The following MAML2 variants were observed in gnomAD, a reference collection of about 807,000 sequenced individuals.
The protein encoded by MAML2 is mastermind-like protein 2.
A neutral mutation model predicts 96.1 loss-of-function variants in MAML2; 22 were observed. The observed-to-expected ratio is 0.23, with a 90% CI of 0.16 to 0.33. The LOEUF is 0.33. MAML2 is among the 10% of genes least tolerant of loss of function. The pLI is 1.00. For synonymous variants in MAML2, 561 were observed against 521.3 expected (o/e 1.08, Z -1.04); for missense variants, 1,367 against 1,392.4 (o/e 0.98, Z 0.29).
intron 2 of MAML2, among the ~76,000 whole-genome samples, chr11:96,068,490 GGAGA>G (rs139120762): frequency 3.7e-5 from 3 of 81,240 alleles, no homozygotes; most frequent in South Asian, 4.1e-4. Context: ...AGGGAGGGAG[GGAGA>G]GAGAGAGAGA....
chr11:96,290,040 C>G (rs1208666308), intron 1 of MAML2, among the ~76,000 whole-genome samples: 1 of 152,122 alleles, frequency 6.6e-6, no homozygotes, highest in African/African-American at 2.4e-5. Flanking sequence ...ATTTTTATTA[C>G]TTTGTTAGCC....
rs563728718 is a variant in MAML2 at position 96,280,433 on chromosome 11, G to T, written c.513+60950C>A. ...ACTGTTAATGAACTTTCTTTCTCCT[G>T]ATCTGTACAATGTCAAATTCATTTC... On this transcript the variant is annotated intron_variant, in intron 1 of 4. Coordinates refer to ENST00000524717, the MANE Select transcript of MAML2 (RefSeq NM_032427.4). Among the ~76,000 whole-genome samples the T allele has an allele frequency of 3.1e-4, 47 of 150,246 alleles. 1 individual carries two copies. The highest frequency in any genetic ancestry group is 1.3e-4 in the Non-Finnish European group (9 of 67,988).
intron 1 of MAML2, among the ~76,000 whole-genome samples, chr11:96,225,160 C>G (rs1421221051): frequency 6.6e-6 from 1 of 152,138 alleles, no homozygotes; most frequent in African/African-American, 2.4e-5. Context: ...ACTCAGTGAC[C>G]AGCTTCTAAG....
chr11:96,059,828 A>T (rs1310844178), intron 2 of MAML2, among the ~76,000 whole-genome samples: 1 of 152,194 alleles, frequency 6.6e-6, no homozygotes, highest in Non-Finnish European at 1.5e-5. Flanking sequence ...TGGGATAGAC[A>T]TTTTCCTAGT....
At chr11:96,204,661 G>A (rs968631911) in intron 1 of MAML2, among the ~76,000 whole-genome samples, 29 of 152,184 alleles carry the variant, frequency 1.9e-4, no homozygotes, top group African/African-American at 5.8e-4. Flanking sequence ...TTTTGTTTTT[G>A]TTTTTTTAAA....
chr11:96,227,322 T>G (rs1460884568), intron 1 of MAML2, among the ~76,000 whole-genome samples: 1 of 152,222 alleles, frequency 6.6e-6, no homozygotes, highest in Non-Finnish European at 1.5e-5. Context: ...AGTGATCCAT[T>G]CCTTAATATT....
intron 1 of MAML2, among the ~76,000 whole-genome samples, chr11:96,325,342 T>C (rs1487177312): frequency 1.3e-5 from 2 of 152,160 alleles, no homozygotes; most frequent in African/African-American, 4.8e-5. Context: ...ACGAGGGTAG[T>C]AATACTCCAG....
chr11:96,036,010 C>T lies in MAML2; in HGVS notation c.2140-44287G>A, dbSNP rs147771094. On this transcript the variant is annotated intron_variant, in intron 2 of 4. Transcript: ENST00000524717. ...AAACTGTGCCTGTCATACAGTGAAA[C>T]CCTCAAAAAACAGAATATAACTGAA... 1.1e-3 allele frequency among the ~76,000 whole-genome samples: 164 copies of T among 152,174 alleles called. 1 individual carries two copies. Among genetic ancestry groups the T allele is most frequent in the African/African-American group, 3.8e-3 (158 of 41,530 alleles).
intron 1 of MAML2, among the ~76,000 whole-genome samples, chr11:96,277,703 A>G (rs1863009178): frequency 6.7e-6 from 1 of 149,224 alleles, no homozygotes; most frequent in East Asian, 2.0e-4. Context: ...ATGCCACTGC[A>G]CTCCAGCCTG....
chr11:96,168,190 T>C (rs1354167181), intron 1 of MAML2, among the ~76,000 whole-genome samples: 1 of 152,206 alleles, frequency 6.6e-6, no homozygotes, highest in Non-Finnish European at 1.5e-5. Context: ...TGAATGAATA[T>C]AACAGTAGTA....
chr11:95,992,230 T>C (rs1302331647), intron 2 of MAML2, among the ~76,000 whole-genome samples: 1 of 152,186 alleles, frequency 6.6e-6, no homozygotes, highest in Non-Finnish European at 1.5e-5. Flanking sequence ...GGCCTCTAAG[T>C]TTCTGTTTTA....
chr11:96,256,842 A>G (rs181738538), intron 1 of MAML2, among the ~76,000 whole-genome samples: 7 of 152,248 alleles, frequency 4.6e-5, no homozygotes. Flanking sequence ...GACTCTATCA[A>G]ATGCCATAAA....
At chr11:96,122,101 C>T (rs779239303) in intron 1 of MAML2, among the ~76,000 whole-genome samples, 2 of 151,690 alleles carry the variant, frequency 1.3e-5, no homozygotes, top group South Asian at 2.1e-4. Flanking sequence ...TGAGCCACCC[C>T]GCCCGGCCCC....
intron 1 of MAML2, among the ~76,000 whole-genome samples, chr11:96,251,250 C>T (rs1862577840): frequency 6.6e-6 from 1 of 152,150 alleles, no homozygotes; most frequent in South Asian, 2.1e-4. Context: ...GCCTCTCATC[C>T]CTAGAATTTT....
intron 2 of MAML2, among the ~76,000 whole-genome samples, chr11:96,008,962 T>G (rs1351423151): frequency 6.6e-6 from 1 of 152,192 alleles, no homozygotes; most frequent in Admixed American, 6.5e-5. Flanking sequence ...ACCGCTGAAA[T>G]TCTAGCATCA....
At chr11:96,043,809 A>G (rs562214126) in intron 2 of MAML2, among the ~76,000 whole-genome samples, 2 of 152,360 alleles carry the variant, frequency 1.3e-5, no homozygotes, top group East Asian at 3.9e-4. Flanking sequence ...CTTTCAGTTG[A>G]AAGGATTAGA....
intron 1 of MAML2, among the ~76,000 whole-genome samples, chr11:96,254,861 C>T (rs895117801): frequency 6.6e-6 from 1 of 152,132 alleles, no homozygotes; most frequent in Non-Finnish European, 1.5e-5. Context: ...CACTGTGTCA[C>T]CCAGGCTGGA....
intron 2 of MAML2, among the ~76,000 whole-genome samples, chr11:96,009,503 T>C (rs1309659857): frequency 4.0e-5 from 2 of 50,524 alleles, no homozygotes; most frequent in Admixed American, 5.3e-4. Context: ...GTAATTTAAC[T>C]ATATTTGTTA....
chr11:96,217,033 G>T (rs1862060562), intron 1 of MAML2, among the ~76,000 whole-genome samples: 3 of 152,330 alleles, frequency 2.0e-5, no homozygotes, highest in Admixed American at 6.5e-5. Context: ...GTGAGAGCAG[G>T]ATGGTGGGGA....
Sources: allele counts gnomAD v4.1 joint callset (sites outside exome capture counted in the v4.1 genomes callset), GRCh38; gene constraint gnomAD v4.1.1; transcripts MANE v1.5; gene names NCBI Gene and HGNC (gene_info 2026-07-23, HGNC 2026-07-21).